Variants in ZNF804A observed in about 807,000 individuals in gnomAD.
ZNF804A encodes zinc finger protein 804A.
A neutral mutation model predicts 16.5 loss-of-function variants in ZNF804A; 2 were observed. That is an observed-to-expected ratio of 0.12 (90% CI 0.05 to 0.38). ZNF804A has a LOEUF of 0.38. Ranked by LOEUF, ZNF804A falls within the 10% of genes least tolerant of loss-of-function variation. The probability of loss-of-function intolerance (pLI) is 0.99; values close to 1 mark genes in which losing one functional copy is unlikely to be tolerated. For missense variants in ZNF804A, 1,473 were observed against 1,390.7 expected (o/e 1.06, Z -0.94); for synonymous variants, 534 against 489.6 (o/e 1.09, Z -1.20).
At chr2:184,915,309 T>C (rs1685427385) in intron 2 of ZNF804A, among the ~76,000 whole-genome samples, 1 of 152,146 alleles carries the variant, frequency 6.6e-6, no homozygotes, top group African/African-American at 2.4e-5. Flanking sequence ...ATATCTCAAA[T>C]ATTTTACAGC....
chr2:184,826,733 G>T (rs1317754757), intron 1 of ZNF804A, among the ~76,000 whole-genome samples: 1 of 151,964 alleles, frequency 6.6e-6, no homozygotes, highest in Non-Finnish European at 1.5e-5. Flanking sequence ...AAAATTCAGA[G>T]AAACCTGTAA....
At chr2:184,857,476 C>T (rs1695716877) in intron 1 of ZNF804A, among the ~76,000 whole-genome samples, 1 of 152,044 alleles carries the variant, frequency 6.6e-6, no homozygotes, top group South Asian at 2.1e-4. Context: ...ATACTCCGTA[C>T]ATGTTGGTTA....
chr2:184,742,180 G>A (rs567352471), intron 1 of ZNF804A, among the ~76,000 whole-genome samples: 124 of 152,004 alleles, frequency 8.2e-4, no homozygotes, highest in African/African-American at 2.9e-3. Context: ...GATATGGTGT[G>A]TAACTATATA....
intron 1 of ZNF804A, among the ~76,000 whole-genome samples, chr2:184,817,760 G>C (rs1286069239): frequency 1.3e-5 from 2 of 151,896 alleles, no homozygotes; most frequent in Admixed American, 6.6e-5. Context: ...TCACAATACA[G>C]TCACAGGTAT....
chr2:184,760,522 T>C (rs1694024881), intron 1 of ZNF804A, among the ~76,000 whole-genome samples: 1 of 152,150 alleles, frequency 6.6e-6, no homozygotes. Context: ...AAGTAGAGCT[T>C]AAGTTGGCAT....
intron 1 of ZNF804A, among the ~76,000 whole-genome samples, chr2:184,837,535 AC>A (rs1695370853): frequency 6.6e-6 from 1 of 152,142 alleles, no homozygotes; most frequent in African/African-American, 2.4e-5. Flanking sequence ...TATGGCACAT[AC>A]TGATAGAGTA....
chr2:184,873,003 T>C (rs1280550719), intron 2 of ZNF804A, among the ~76,000 whole-genome samples: 1 of 152,200 alleles, frequency 6.6e-6, no homozygotes, highest in African/African-American at 2.4e-5. Flanking sequence ...GGATATACTT[T>C]CCAAAACTTT....
chr2:184,863,959 T>C (rs1257082963), intron 1 of ZNF804A, among the ~76,000 whole-genome samples: 1 of 152,188 alleles, frequency 6.6e-6, no homozygotes, highest in South Asian at 2.1e-4. Context: ...AATTGACAAA[T>C]TTGCTGAGAA....
chr2:184,677,913 G>T (rs1401040481), intron 1 of ZNF804A, among the ~76,000 whole-genome samples: 1 of 151,942 alleles, frequency 6.6e-6, no homozygotes, highest in Admixed American at 6.6e-5. Flanking sequence ...AACCTAGTGA[G>T]TTAGTCCAGG....
At chr2:184,668,014 G>GT (rs146787887) in intron 1 of ZNF804A, among the ~76,000 whole-genome samples, 11 of 150,802 alleles carry the variant, frequency 7.3e-5, no homozygotes, top group Middle Eastern at 3.2e-3. Flanking sequence ...TCTAGTTCAA[G>GT]TTTTTTTTTA....
intron 1 of ZNF804A, among the ~76,000 whole-genome samples, chr2:184,677,899 T>G (rs1692465443): frequency 6.6e-6 from 1 of 152,020 alleles, no homozygotes; most frequent in African/African-American, 2.4e-5. Context: ...TTGCATGAGT[T>G]TACAACCTAG....
At chr2:184,855,967 A>C (rs1695680458) in intron 1 of ZNF804A, among the ~76,000 whole-genome samples, 1 of 152,072 alleles carries the variant, frequency 6.6e-6, no homozygotes. Flanking sequence ...ATAACTTTTT[A>C]ATGTCAATAA....
chr2:184,808,913 AC>A lies in ZNF804A; in HGVS notation c.112-57455del, dbSNP rs527788351. Among the ~76,000 whole-genome samples the A allele has an allele frequency of 3.8e-3, 576 of 151,976 alleles. 4 individuals are homozygous for A. Among genetic ancestry groups the A allele is most frequent in the African/African-American group, 0.013 (542 of 41,556 alleles). The stretch of plus-strand genomic sequence containing the variant: ...TGTAGACGTATCTTTCTGCAAAAAA[AC>A]AAAACAAAGCAAAATGATACTCAGA... On this transcript the variant is annotated intron_variant, in intron 1 of 3. Coordinates refer to ENST00000302277, the MANE Select transcript of ZNF804A (RefSeq NM_194250.2).
chr2:184,924,402 G>T (rs1014708858), intron 2 of ZNF804A, among the ~76,000 whole-genome samples: 2 of 151,484 alleles, frequency 1.3e-5, no homozygotes, highest in Non-Finnish European at 3.0e-5. Flanking sequence ...TATGGTATCT[G>T]TTGCAATCTC....
chr2:184,938,452 C>G lies in ZNF804A; in HGVS notation c.3056C>G (p.Thr1019Arg). The change falls in exon 4 of 4, where the codon ACA becomes AGA. Residue 1019 changes from threonine (T) to arginine (R), a missense_variant. Coordinates refer to ENST00000302277, the MANE Select transcript of ZNF804A (RefSeq NM_194250.2). ...EAHVSGHTFV[T>R]AEQILAPLAL... ...CATGTCAGTGGTCATACTTTTGTAA[C>G]AGCTGAGCAAATCCTGGCTCCATTA... The G allele has an allele frequency of 6.2e-7, 1 of 1,614,090 alleles. No individual in the cohort carries two copies. Among genetic ancestry groups the G allele is most frequent in the Non-Finnish European group, 8.5e-7 (1 of 1,180,010 alleles).
chr2:184,628,479 A>G (rs1213178640), intron 1 of ZNF804A, among the ~76,000 whole-genome samples: 2 of 152,150 alleles, frequency 1.3e-5, no homozygotes, highest in Non-Finnish European at 2.9e-5. Context: ...ATATATGCCA[A>G]AAGTCATATT....
Position 184,937,788 on chromosome 2 carries a change from C to A in ZNF804A, c.2392C>A (p.Pro798Thr). ...TCATTTACCAGAAGAATTTTTGAGG[C>A]CACCAAGTACTTCAGTTGCTCCCTG... is the stretch of plus-strand genomic sequence containing the variant. ...QNHLPEEFLR[P>T]PSTSVAPCKP... is the part of the protein sequence containing the mutation. The change falls in exon 4 of 4, where the codon CCA becomes ACA. Residue 798 changes from proline to threonine, a missense_variant. Pro to Thr is a conservative substitution (Grantham distance 38, BLOSUM62 -1). Coordinates refer to ENST00000302277, the MANE Select transcript of ZNF804A (RefSeq NM_194250.2). 1.2e-6 allele frequency: 2 copies of A among 1,613,954 alleles called. No homozygotes were observed. The highest frequency in any genetic ancestry group is 1.1e-5 in the South Asian group (1 of 91,068).
chr2:184,673,793 A>G (rs1458003068), intron 1 of ZNF804A, among the ~76,000 whole-genome samples: 1 of 152,196 alleles, frequency 6.6e-6, no homozygotes, highest in Non-Finnish European at 1.5e-5. Context: ...GTAGGAAAAT[A>G]AATGACTTTA....
chr2:184,698,630 C>T (rs1001944929), intron 1 of ZNF804A, among the ~76,000 whole-genome samples: 1 of 151,982 alleles, frequency 6.6e-6, no homozygotes, highest in Non-Finnish European at 1.5e-5. Context: ...GAATTTATTA[C>T]CACACAATAG....
Sources: allele counts gnomAD v4.1 joint callset (sites outside exome capture counted in the v4.1 genomes callset), GRCh38; gene constraint gnomAD v4.1.1; transcripts MANE v1.5; gene names NCBI Gene and HGNC (gene_info 2026-07-23, HGNC 2026-07-21).